DNAH10: variants seen among roughly 807,000 people sequenced by gnomAD.
DNAH10 encodes the protein dynein axonemal heavy chain 10, also known as axonemal beta dynein heavy chain 10.
Under a neutral mutation model 506.6 loss-of-function variants are expected in DNAH10, and 348 were observed. The observed-to-expected ratio is 0.69, with a 90% confidence interval of 0.63 to 0.75. DNAH10 has a LOEUF of 0.75. Among genes scored for constraint, DNAH10 ranks in the 30% least tolerant of loss-of-function variants. DNAH10 has a pLI of 0.00. For missense variants in DNAH10, 5,179 were observed against 5,787.1 expected (o/e 0.89, Z 3.41); for synonymous variants, 2,059 against 2,198.6 (o/e 0.94, Z 1.78).
chr12:123,887,176 A>C lies in DNAH10; in HGVS notation c.8858A>C (p.Glu2953Ala), dbSNP rs749397421. ...FEILLSRGYS[E>A]NSFREDLKSL... Reference sequence around the variant, plus strand: ...ATCCTGCTGAGCCGAGGCTACTCGGAGAACAGTTTCCGGGAAGACCTGAAG... The same window carrying C: ...ATCCTGCTGAGCCGAGGCTACTCGGCGAACAGTTTCCGGGAAGACCTGAAG... Residue 2953 changes from glutamate to alanine, a missense_variant, in exon 52 of 79, where the codon GAG (glutamate) becomes GCG (alanine). Physicochemically the swap from Glu to Ala is moderately radical, Grantham distance 107. This residue lies in a region of DNAH10 where 4,844 missense variants were observed against 5,430.5 expected (regional missense o/e 0.89). Transcript: ENST00000673944. 1.9e-6 allele frequency: 3 copies of C among 1,612,530 alleles called. No homozygotes were observed. The highest frequency in any genetic ancestry group is 1.7e-6 in the Non-Finnish European group (2 of 1,179,264).
At chr12:123,877,948 A>G (rs764117734) in intron 48 of DNAH10, 40 bp downstream of exon 48, 4 of 1,590,898 alleles carry the variant, frequency 2.5e-6, no homozygotes, top group Admixed American at 3.6e-5. Context: ...CCCCACAGGT[A>G]TGATAGTTTT....
Position 123,774,305 on chromosome 12 carries a change from T to C in DNAH10, c.621+41T>C, listed in dbSNP as rs780177843. The C allele has an allele frequency of 1.2e-5, 18 of 1,462,542 alleles. No individual in the cohort carries two copies. In the East Asian group the frequency reaches 4.1e-4, roughly 33 times the overall value. 90.6% of individuals were successfully genotyped at this position (1,462,542 alleles called of 1,614,324 possible). On this transcript the variant is annotated intron_variant, in intron 5 of 78. Coordinates refer to ENST00000673944, the MANE Select transcript of DNAH10 (RefSeq NM_001372106.1). ...GGAAGAAATTCTAGTATTTCTAAAG[T>C]TGAGGTCATGTGGTTTGTTTATTCC...
intron 37 of DNAH10, among the ~76,000 whole-genome samples, chr12:123,857,657 G>A (rs569517447): frequency 4.6e-5 from 7 of 152,342 alleles, no homozygotes; most frequent in South Asian, 2.1e-4. Flanking sequence ...GAACGCGCGA[G>A]GTGGAGGTTG....
chr12:123,848,260 C>T lies in DNAH10; in HGVS notation c.5949+165C>T, dbSNP rs575043320. 4.8e-4 allele frequency among the ~76,000 whole-genome samples: 73 copies of T among 152,340 alleles called. 3 individuals are homozygous for T. The South Asian group carries it at 0.013, about 28-fold the overall frequency. On this transcript the variant is annotated intron_variant, in intron 33 of 78. Transcript: ENST00000673944. ...ACCTAAGTGTGTCTGCTTAAAGACC[C>T]TGCTTTGTTAGCAGGATGTAGAGCA...
intron 72 of DNAH10, 62 bp downstream of exon 72, chr12:123,929,821 C>T: frequency 2.0e-6 from 3 of 1,465,434 alleles, no homozygotes; most frequent in Non-Finnish European, 2.8e-6. Flanking sequence ...TGGCCTCGTG[C>T]CCCTATTTTC....
At chr12:123,885,351 G>T (rs1482303641) in intron 51 of DNAH10, among the ~76,000 whole-genome samples, 1 of 152,130 alleles carries the variant, frequency 6.6e-6, no homozygotes, top group Non-Finnish European at 1.5e-5. Context: ...GTATTCTATT[G>T]TTTGGATATG....
intron 11 of DNAH10, 132 bp from the exon 12 acceptor site, chr12:123,793,810 A>G: frequency 1.6e-6 from 1 of 614,442 alleles, no homozygotes; most frequent in South Asian, 3.0e-5. Flanking sequence ...TTTAAATTGG[A>G]TACCAGTTTC....
chr12:123,855,633 C>CAAAAA (rs34517744), intron 36 of DNAH10, among the ~76,000 whole-genome samples: 2 of 102,110 alleles, frequency 2.0e-5, no homozygotes, highest in Admixed American at 1.1e-4. Flanking sequence ...GACCCTGTCT[C>CAAAAA]AAAAAAAAAA....
intron 56 of DNAH10, among the ~76,000 whole-genome samples, chr12:123,900,786 C>T (rs1953484405): frequency 6.6e-6 from 1 of 152,266 alleles, no homozygotes; most frequent in South Asian, 2.1e-4. Flanking sequence ...CTGCTGTCTT[C>T]CGTTTGGGCT....
In DNAH10 at chr12:123,787,635, A is replaced by G. The variant is rs1468118870; in HGVS notation, c.1422-169A>G. Among the ~76,000 whole-genome samples the G allele has an allele frequency of 6.6e-6, 1 of 152,248 alleles. No individual in the cohort carries two copies. Among genetic ancestry groups the G allele is most frequent in the Non-Finnish European group, 1.5e-5 (1 of 68,038 alleles). The stretch of plus-strand genomic sequence containing the variant: ...CGCAGCTTGGGACTCCCGCCCTTGC[A>G]CATGGGACAGGGCAGCCGCTTGCCC... On this transcript the variant is annotated intron_variant, in intron 9 of 78. Coordinates refer to ENST00000673944, the MANE Select transcript of DNAH10 (RefSeq NM_001372106.1). The surrounding 1 kb of genome is among the most constrained non-coding windows in gnomAD (Gnocchi z 4.6).
intron 5 of DNAH10, among the ~76,000 whole-genome samples, chr12:123,777,716 G>T (rs533947816): frequency 2.2e-4 from 34 of 152,294 alleles, no homozygotes; most frequent in South Asian, 6.2e-4. Flanking sequence ...CGCGAGCATG[G>T]CTCACTGCAG....
chr12:123,765,462 T>C (rs1461719213), intron 1 of DNAH10, among the ~76,000 whole-genome samples: 2 of 152,188 alleles, frequency 1.3e-5, no homozygotes, highest in Non-Finnish European at 2.9e-5. Context: ...GTTTGGTGTG[T>C]TTCTGGTTGG....
At chr12:123,771,951 C>T (rs575064999) in intron 3 of DNAH10, among the ~76,000 whole-genome samples, 6 of 152,290 alleles carry the variant, frequency 3.9e-5, no homozygotes, top group African/African-American at 9.6e-5. Context: ...AAGGAAAAAA[C>T]GTGCACAGGA....
intron 56 of DNAH10, among the ~76,000 whole-genome samples, chr12:123,899,927 T>C (rs1343566750): frequency 6.6e-6 from 1 of 152,228 alleles, no homozygotes; most frequent in African/African-American, 2.4e-5. Flanking sequence ...TCCCAGGAAT[T>C]TGTGGCATAT....
At chr12:123,795,157 A>AG (rs1480144626) in intron 12 of DNAH10, among the ~76,000 whole-genome samples, 2 of 151,522 alleles carry the variant, frequency 1.3e-5, no homozygotes, top group Non-Finnish European at 2.9e-5. Flanking sequence ...AAAAAAAAAA[A>AG]AAAAAGAAAA....
intron 47 of DNAH10, among the ~76,000 whole-genome samples, 176 bp from the exon 48 acceptor site, chr12:123,877,560 C>T (rs1341563658): frequency 6.6e-6 from 1 of 152,174 alleles, no homozygotes; most frequent in Non-Finnish European, 1.5e-5. Flanking sequence ...AGGTGATCTG[C>T]CCACCTTGGC....
intron 59 of DNAH10, among the ~76,000 whole-genome samples, chr12:123,912,624 G>A (rs1320192403): frequency 6.6e-6 from 1 of 152,152 alleles, no homozygotes; most frequent in East Asian, 1.9e-4. Context: ...CGTCCCCTGG[G>A]GGACAAAACC....
At chr12:123,783,920 T>A (rs1217897120) in intron 7 of DNAH10, 27 bp from the exon 8 acceptor site, 1 of 1,599,112 alleles carries the variant, frequency 6.3e-7, no homozygotes, top group Non-Finnish European at 8.6e-7. Context: ...TAATGAGAGT[T>A]CTTTGTGTGT....
In DNAH10 at chr12:123,887,461, G is replaced by T; in HGVS notation, c.8995+148G>T. 6.4e-6 allele frequency: 6 copies of T among 934,742 alleles called. No individual in the cohort carries two copies. The East Asian group carries it at 1.6e-4, about 25-fold the overall frequency. 57.9% of individuals were successfully genotyped at this position (934,742 alleles called of 1,614,324 possible). On this transcript the variant is annotated intron_variant, in intron 52 of 78. Coordinates refer to ENST00000673944, the MANE Select transcript of DNAH10 (RefSeq NM_001372106.1). Reference sequence around the variant, plus strand: ...TCCCTCACGGCGGCCCCTGAGATAGGTCTCATTATCTTCCTTGGCTCCTCC... The same window carrying T: ...TCCCTCACGGCGGCCCCTGAGATAGTTCTCATTATCTTCCTTGGCTCCTCC...
Sources: gnomAD v4.1 joint callset for allele counts (sites outside exome capture counted in the v4.1 genomes callset) on GRCh38, gnomAD v4.1.1 for gene constraint, gnomAD v4.1.1 regional missense constraint, Gnocchi (gnomAD v3.1) non-coding constraint, MANE v1.5 for transcripts, NCBI Gene and HGNC (gene_info 2026-07-23, HGNC 2026-07-21) for gene names.